QRICH1: variants seen among roughly 807,000 people sequenced by gnomAD.
QRICH1 encodes glutamine rich 1.
QRICH1 carries 16 observed loss-of-function variants against 87.1 expected under a neutral mutation model. The observed-to-expected ratio is 0.18, with a 90% confidence interval of 0.12 to 0.28. The LOEUF (loss-of-function observed/expected upper bound fraction) is 0.28, where lower values mean the gene tolerates loss of function less well. QRICH1 is among the 10% of genes least tolerant of loss of function. The pLI, the probability that QRICH1 is intolerant of heterozygous loss-of-function variation, is 1.00. For synonymous variants in QRICH1, 367 were observed against 368.4 expected (o/e 1.00, Z 0.05); for missense variants, 647 against 951.7 (o/e 0.68, Z 4.21).
intron 5 of QRICH1, among the ~76,000 whole-genome samples, chr3:49,045,326 C>CA (rs150401256): frequency 0.099 from 10,028 of 101,302 alleles, 756 homozygotes; most frequent in African/African-American, 0.14. Flanking sequence ...TTGTGAATTA[C>CA]AAAAAAAAAA....
At chr3:49,084,096 G>T (rs2042123643) in intron 1 of QRICH1, among the ~76,000 whole-genome samples, 1 of 151,400 alleles carries the variant, frequency 6.6e-6, no homozygotes, top group Admixed American at 6.6e-5. Context: ...CACCGCACCC[G>T]GCCCACATCC....
chr3:49,060,341 C>G (rs1402840726), intron 2 of QRICH1, among the ~76,000 whole-genome samples: 8 of 151,740 alleles, frequency 5.3e-5, no homozygotes, highest in Non-Finnish European at 5.9e-5. Flanking sequence ...CCACAGGCAC[C>G]CGCCACCACG....
chr3:49,086,134 A>T (rs765486954), intron 1 of QRICH1, among the ~76,000 whole-genome samples: 82 of 134,804 alleles, frequency 6.1e-4, no homozygotes, highest in Non-Finnish European at 1.1e-3. Flanking sequence ...GCTGCATTGT[A>T]AAAAAAAAAA....
intron 3 of QRICH1, among the ~76,000 whole-genome samples, chr3:49,053,441 C>T (rs2093383253): frequency 1.4e-5 from 2 of 145,678 alleles, no homozygotes; most frequent in Admixed American, 1.4e-4. Flanking sequence ...GCCGAGATCG[C>T]ACCACTGCAC....
chr3:49,090,573 A>G (rs1322298730), intron 1 of QRICH1, among the ~76,000 whole-genome samples: 1 of 149,236 alleles, frequency 6.7e-6, no homozygotes, highest in Non-Finnish European at 1.5e-5. Context: ...GGTTGCAGTG[A>G]GCCGAAATCG....
chr3:49,093,760 A>C, intron 1 of QRICH1, 152 bp downstream of exon 1: 1 of 310,288 alleles, frequency 3.2e-6, no homozygotes, highest in East Asian at 5.1e-5. Flanking sequence ...GGGGTGCGCT[A>C]GCCCAGGAAC....
At chr3:49,043,474 C>A (rs1280531112) in intron 6 of QRICH1, among the ~76,000 whole-genome samples, 2 of 77,524 alleles carry the variant, frequency 2.6e-5, no homozygotes, top group Non-Finnish European at 4.9e-5. Context: ...CCAGCCTGGG[C>A]AACAAGAGCA....
chr3:49,041,903 T>C (rs1322012802), intron 6 of QRICH1, among the ~76,000 whole-genome samples: 1 of 151,500 alleles, frequency 6.6e-6, no homozygotes, highest in Non-Finnish European at 1.5e-5. Context: ...TCTGGGATTA[T>C]CTGGGATTAC....
In QRICH1 at chr3:49,057,855, G is replaced by A. The variant is rs1487381145; in HGVS notation, c.345C>T (p.Val115=). ...TGAGTTGTGGGGAGAGCTGAGCCGA[G>A]ACCTGTTGCGGAGACTGCTGTACCT... is the stretch of plus-strand genomic sequence containing the variant. ...QVQVQQSPQQ[V]SAQLSPQLTV... The change falls in exon 3 of 10, where the codon GTC becomes GTT. Residue 115 remains valine (V), a synonymous_variant. Coordinates refer to ENST00000395443, the MANE Select transcript of QRICH1 (RefSeq NM_198880.3). The surrounding 1 kb of genome is among the most constrained non-coding windows in gnomAD (Gnocchi z 5.4). 1 of 1,614,076 alleles carries A rather than the reference G, an allele frequency of 6.2e-7. No homozygotes were observed. Among genetic ancestry groups the A allele is most frequent in the East Asian group, 2.2e-5 (1 of 44,874 alleles).
chr3:49,037,021 T>C (rs1035875880), intron 6 of QRICH1, among the ~76,000 whole-genome samples: 2 of 145,348 alleles, frequency 1.4e-5, no homozygotes, highest in Non-Finnish European at 3.0e-5. Context: ...CAGTGAGCCG[T>C]GTTCCCATCA....
At chr3:49,078,517 C>G (rs1404025110) in intron 1 of QRICH1, among the ~76,000 whole-genome samples, 3 of 146,670 alleles carry the variant, frequency 2.0e-5, no homozygotes, top group Non-Finnish European at 4.5e-5. Flanking sequence ...GCCTCAGCCT[C>G]CCGAGTAGCT....
intron 1 of QRICH1, among the ~76,000 whole-genome samples, chr3:49,091,042 A>C (rs1000764015): frequency 1.3e-5 from 2 of 152,034 alleles, no homozygotes; most frequent in Admixed American, 1.3e-4. Flanking sequence ...CTAACAGAGT[A>C]AAACCCCGTT....
chr3:49,053,057 G>A (rs2093380376), intron 3 of QRICH1, among the ~76,000 whole-genome samples: 1 of 152,168 alleles, frequency 6.6e-6, no homozygotes, highest in Non-Finnish European at 1.5e-5. Flanking sequence ...GGAGAAGAGG[G>A]CCAAATACTG....
intron 6 of QRICH1, among the ~76,000 whole-genome samples, chr3:49,035,911 C>CA (rs761180733): frequency 0.059 from 3,557 of 59,934 alleles, 58 homozygotes; most frequent in East Asian, 0.41. Flanking sequence ...CCCATTTCTA[C>CA]AAAAAAAAAA....
intron 5 of QRICH1, among the ~76,000 whole-genome samples, chr3:49,045,403 G>C (rs1335985458): frequency 1.3e-5 from 2 of 148,624 alleles, no homozygotes; most frequent in African/African-American, 5.0e-5. Flanking sequence ...GATGAATAAT[G>C]TTTGTTTTCC....
At chr3:49,075,925 T>C (rs1189507095) in intron 2 of QRICH1, among the ~76,000 whole-genome samples, 3 of 151,706 alleles carry the variant, frequency 2.0e-5, no homozygotes, top group Non-Finnish European at 4.4e-5. Flanking sequence ...AATGAGACTC[T>C]GTCTCAAAAA....
At chr3:49,074,776 A>G (rs887738544) in intron 2 of QRICH1, among the ~76,000 whole-genome samples, 1 of 151,246 alleles carries the variant, frequency 6.6e-6, no homozygotes, top group Admixed American at 6.6e-5. Context: ...CAGGAGATCG[A>G]GACCATCCTG....
intron 2 of QRICH1, among the ~76,000 whole-genome samples, chr3:49,070,238 A>G (rs2093493174): frequency 6.6e-6 from 1 of 152,088 alleles, no homozygotes; most frequent in Admixed American, 6.6e-5. Flanking sequence ...AGGTTTCACC[A>G]TGTTGGCCAG....
chr3:49,056,260 C>T (rs1305968570), intron 3 of QRICH1, among the ~76,000 whole-genome samples: 1 of 152,152 alleles, frequency 6.6e-6, no homozygotes, highest in African/African-American at 2.4e-5. Context: ...AGAAGTGCAC[C>T]ACCTCGCCCG....
Sources: allele counts gnomAD v4.1 joint callset (sites outside exome capture counted in the v4.1 genomes callset), GRCh38; gene constraint gnomAD v4.1.1; non-coding constraint Gnocchi (gnomAD v3.1); transcripts MANE v1.5; gene names NCBI Gene and HGNC (gene_info 2026-07-23, HGNC 2026-07-21).